CACNA1A: variants seen among roughly 807,000 people sequenced by gnomAD.
The protein encoded by CACNA1A is calcium voltage-gated channel subunit alpha1 A, also known as voltage-dependent P/Q-type calcium channel subunit alpha-1A.
CACNA1A carries 57 observed loss-of-function variants against 262.4 expected under a neutral mutation model. The ratio of observed to expected loss-of-function variants is 0.22; its 90% CI spans 0.18 to 0.27. The LOEUF (loss-of-function observed/expected upper bound fraction) is 0.27, where lower values mean the gene tolerates loss of function less well. Among genes scored for constraint, CACNA1A ranks in the 10% least tolerant of loss-of-function variants. The pLI, the probability that CACNA1A is intolerant of heterozygous loss-of-function variation, is 1.00. For missense variants in CACNA1A, 2,526 were observed against 3,562.8 expected, an observed-to-expected ratio of 0.71 and a Z score of 7.41; for synonymous variants, 1,431 against 1,419.3, an observed-to-expected ratio of 1.01 and a Z score of -0.18.
intron 4 of CACNA1A, 97 bp downstream of exon 4, chr19:13,371,591 G>A: frequency 2.4e-6 from 2 of 822,348 alleles, no homozygotes; most frequent in Non-Finnish European, 4.0e-6. Context: ...ACAGGCTGGT[G>A]GCAGGATGTG....
chr19:13,209,598 T>A, intron 44 of CACNA1A, 100 bp from the exon 45 acceptor site: 1 of 906,964 alleles, frequency 1.1e-6, no homozygotes, highest in Non-Finnish European at 1.5e-6. Context: ...TGGCCTTCGG[T>A]GACTGCGGTG....
chr19:13,269,672 G>A lies in CACNA1A; in HGVS notation c.3989+6178C>T, dbSNP rs1296430941. 9.9e-5 allele frequency among the ~76,000 whole-genome samples: 15 copies of A among 152,218 alleles called. No homozygotes were observed. In the South Asian group the frequency reaches 1.9e-3, roughly 19 times the overall value. The stretch of plus-strand genomic sequence containing the variant: ...AGCTGCTGAGAAATGTCAGTTGGCC[G>A]CCCTGATGCATGGGCACAGAGCGTG... On this transcript the variant is annotated intron_variant, in intron 24 of 46. Coordinates refer to ENST00000360228, the MANE Select transcript of CACNA1A (RefSeq NM_001127222.2).
At chr19:13,480,979 G>C (rs1239993279) in intron 1 of CACNA1A, among the ~76,000 whole-genome samples, 1 of 152,056 alleles carries the variant, frequency 6.6e-6, no homozygotes, top group Non-Finnish European at 1.5e-5. Flanking sequence ...AGATAGCCTA[G>C]GCTGAAATCC....
chr19:13,322,381 G>A (rs954057071), intron 10 of CACNA1A, among the ~76,000 whole-genome samples: 4 of 152,054 alleles, frequency 2.6e-5, no homozygotes, highest in Non-Finnish European at 4.4e-5. Context: ...CTGAGGGAAC[G>A]TGGTGGCTCT....
Position 13,308,583 on chromosome 19 carries a change from G to T in CACNA1A, c.1669-55C>A. On this transcript the variant is annotated intron_variant, in intron 12 of 46. Transcript: ENST00000360228. This position sits in a 1 kb window ranked among gnomAD's most constrained non-coding sequence, Gnocchi z 4.2. ...GGGACAGTGTCTGGGCTCCAGAACT[G>T]GCAAGCATTTCCTAGGTACCAACCT... 2.6e-6 allele frequency: 3 copies of T among 1,161,308 alleles called. No individual in the cohort carries two copies. The highest frequency in any genetic ancestry group is 2.5e-6 in the Non-Finnish European group (2 of 806,682). The allele number at this position is 1,161,308 out of a possible 1,614,324, so 71.9% of individuals were successfully genotyped here.
intron 38 of CACNA1A, among the ~76,000 whole-genome samples, chr19:13,223,736 A>C (rs1465257653): frequency 6.6e-6 from 1 of 152,040 alleles, no homozygotes; most frequent in Non-Finnish European, 1.5e-5. Flanking sequence ...TTCTGCCTGG[A>C]GCACCTTCCC....
chr19:13,273,236 G>A (rs542505180), intron 24 of CACNA1A: 19 of 152,260 alleles, frequency 1.2e-4, no homozygotes, highest in African/African-American at 4.6e-4. Context: ...AAAATGCTAG[G>A]GTTACAGGCG....
intron 3 of CACNA1A, among the ~76,000 whole-genome samples, chr19:13,432,446 A>C (rs191965461): frequency 1.7e-3 from 256 of 151,386 alleles, no homozygotes; most frequent in South Asian, 3.5e-3. Flanking sequence ...TAAATAAATA[A>C]ATAAAAATTA....
At position 13,207,414 on chromosome 19, in the gene CACNA1A, T is replaced by C; in HGVS notation, c.7420A>G (p.Asn2474Asp). ...SPSRHGRRLP[N>D]GYYPAHGLAR... ...AGTCCGTGCGCCGGGTAGTAGCCGT[T>C]GGGGAGTCGCCGGCCGTGCCGAGAA... The change falls in exon 47 of 47, where the codon AAC becomes GAC. Residue 2474 changes from asparagine to aspartate, a missense_variant. This residue lies in a region of CACNA1A where 929 missense variants were observed against 868.1 expected (regional missense o/e 1.07). Coordinates refer to ENST00000360228, the MANE Select transcript of CACNA1A (RefSeq NM_001127222.2). This position sits in a 1 kb window ranked among gnomAD's most constrained non-coding sequence, Gnocchi z 5.7. 1 of 1,530,490 alleles carries C rather than the reference T, an allele frequency of 6.5e-7. No homozygotes were observed. 94.8% of individuals were successfully genotyped at this position (1,530,490 alleles called of 1,614,324 possible).
chr19:13,432,865 GA>G (rs1204224956), intron 3 of CACNA1A, among the ~76,000 whole-genome samples: 5 of 151,862 alleles, frequency 3.3e-5, no homozygotes, highest in Non-Finnish European at 5.9e-5. Flanking sequence ...TTTTCAGTTA[GA>G]AAAAAAGTCA....
rs751530649 is a variant in CACNA1A at position 13,318,890 on chromosome 19, CTTTTTT to C, written c.1346-1575_1346-1570del. Among the ~76,000 whole-genome samples the C allele has an allele frequency of 2.9e-4, 33 of 114,668 alleles. 2 individuals are homozygous for C. The Admixed American group carries it at 3.0e-3, about 11-fold the overall frequency. The allele number at this position is 114,668 out of a possible 152,430, so 75.2% of individuals were successfully genotyped here. A position where few individuals can be genotyped will look rare whatever the true frequency, so the allele number is the denominator to read the frequency against. ...ATTGAATTTACCTTCTAAAATACAT[CTTTTTT>C]TTTTTTTTTTGAGACAGGATCTTGC... On this transcript the variant is annotated intron_variant, in intron 10 of 46. Coordinates refer to ENST00000360228, the MANE Select transcript of CACNA1A (RefSeq NM_001127222.2).
intron 6 of CACNA1A, among the ~76,000 whole-genome samples, chr19:13,347,058 TG>T (rs1408763092): frequency 1.2e-4 from 7 of 58,554 alleles, no homozygotes; most frequent in African/African-American, 3.5e-4. Context: ...CTGTTTTTTT[TG>T]TTTTTTTGTT....
intron 38 of CACNA1A, among the ~76,000 whole-genome samples, chr19:13,219,568 A>G (rs2055143334): frequency 6.6e-6 from 1 of 152,154 alleles, no homozygotes; most frequent in African/African-American, 2.4e-5. Context: ...GGTAGGCAGA[A>G]TTCAAAAGCT....
chr19:13,292,301 A>G (rs1346969230), intron 19 of CACNA1A, among the ~76,000 whole-genome samples: 3 of 152,160 alleles, frequency 2.0e-5, no homozygotes, highest in African/African-American at 4.8e-5. Context: ...AGGAGAAGAC[A>G]AAGTGAATAA....
intron 6 of CACNA1A, among the ~76,000 whole-genome samples, chr19:13,349,691 C>A (rs553200063): frequency 6.6e-6 from 1 of 152,324 alleles, no homozygotes; most frequent in Admixed American, 6.5e-5. Context: ...GATGTTGACA[C>A]TGAGTGAGAC....
At chr19:13,490,880 GGAAGGAAGGAAA>G (rs1434751051) in intron 1 of CACNA1A, among the ~76,000 whole-genome samples, 7 of 127,066 alleles carry the variant, frequency 5.5e-5, no homozygotes, top group Non-Finnish European at 1.2e-4. Context: ...AAGGAAAGGA[GGAAGGAAGGAAA>G]GGAGTAAGGA....
intron 10 of CACNA1A, among the ~76,000 whole-genome samples, chr19:13,329,716 G>T (rs1037494952): frequency 6.6e-6 from 1 of 150,562 alleles, no homozygotes; most frequent in Non-Finnish European, 1.5e-5. Context: ...CAGGTGATCC[G>T]CTCATCTCAG....
At chr19:13,231,429 A>T (rs1181015905) in intron 35 of CACNA1A, among the ~76,000 whole-genome samples, 1 of 152,002 alleles carries the variant, frequency 6.6e-6, no homozygotes, top group Non-Finnish European at 1.5e-5. Context: ...TCACAACAGG[A>T]GGAACGGGTG....
At chr19:13,305,983 C>T (rs1470292809) in intron 15 of CACNA1A, among the ~76,000 whole-genome samples, 1 of 151,654 alleles carries the variant, frequency 6.6e-6, no homozygotes, top group Non-Finnish European at 1.5e-5. Flanking sequence ...TCGCTTGAAC[C>T]CAGGAGGCAG....
Sources: allele counts gnomAD v4.1 joint callset (sites outside exome capture counted in the v4.1 genomes callset), GRCh38; gene constraint gnomAD v4.1.1; regional missense constraint gnomAD v4.1.1; non-coding constraint Gnocchi (gnomAD v3.1); transcripts MANE v1.5; gene names NCBI Gene and HGNC (gene_info 2026-07-23, HGNC 2026-07-21).